PTBP2: variants seen among roughly 807,000 people sequenced by gnomAD.
PTBP2 encodes the protein polypyrimidine tract-binding protein 2.
A neutral mutation model predicts 61.4 loss-of-function variants in PTBP2; 13 were observed. The ratio of observed to expected loss-of-function variants is 0.21; its 90% CI spans 0.14 to 0.34. The LOEUF (loss-of-function observed/expected upper bound fraction) is 0.34. Ranked by LOEUF, PTBP2 falls within the 10% of genes least tolerant of loss-of-function variation. The probability of loss-of-function intolerance (pLI) is 1.00; values close to 1 mark genes in which losing one functional copy is unlikely to be tolerated. For synonymous variants in PTBP2, 215 were observed against 218.5 expected, an observed-to-expected ratio of 0.98 and a Z score of 0.14; for missense variants, 405 against 642.6, an observed-to-expected ratio of 0.63 and a Z score of 4.00.
At position 96,814,658 on chromosome 1, in the gene PTBP2, A is replaced by G. The variant is rs1037893527; in HGVS notation, c.*1253A>G. On this transcript the variant is annotated 3_prime_UTR_variant, in exon 14 of 14. Transcript: ENST00000674951. The stretch of plus-strand genomic sequence containing the variant: ...TTTGAAATTGATGTACTTAGTTTCA[A>G]GATTCATAGATTCTGTTATCTATGT... 6.6e-6 allele frequency: 1 copy of G among 152,558 alleles called. No homozygotes were observed. Among genetic ancestry groups the G allele is most frequent in the African/African-American group, 2.4e-5 (1 of 41,454 alleles). 9.5% of individuals were successfully genotyped at this position (152,558 alleles called of 1,614,324 possible).
intron 11 of PTBP2, among the ~76,000 whole-genome samples, chr1:96,807,678 C>T (rs939522175): frequency 6.6e-6 from 1 of 152,062 alleles, no homozygotes; most frequent in African/African-American, 2.4e-5. Flanking sequence ...GATGTAAGGA[C>T]GAGTGTATTT....
At chr1:96,721,946 G>T (rs1040285303) in intron 1 of PTBP2, 74 bp downstream of exon 1, 9 of 1,540,852 alleles carry the variant, frequency 5.8e-6, no homozygotes, top group Non-Finnish European at 7.9e-6. Flanking sequence ...TCCCGGGCCG[G>T]GGAGAAACCC....
At chr1:96,816,718 A>G (rs773902951), downstream of PTBP2, 3 of 152,158 alleles carry the variant, frequency 2.0e-5, no homozygotes, top group Admixed American at 1.3e-4. Context: ...TATTTGTATC[A>G]CCATATAATT....
At chr1:96,787,925 A>G (rs1659385000) in intron 8 of PTBP2, among the ~76,000 whole-genome samples, 1 of 152,160 alleles carries the variant, frequency 6.6e-6, no homozygotes, top group Admixed American at 6.5e-5. Context: ...TCCTAGAATT[A>G]GAATTATTGG....
chr1:96,763,685 A>T (rs1258638010), intron 3 of PTBP2, among the ~76,000 whole-genome samples: 1 of 151,950 alleles, frequency 6.6e-6, no homozygotes, highest in Non-Finnish European at 1.5e-5. Flanking sequence ...GTACTTCATG[A>T]CCAAGGAATC....
downstream of PTBP2, chr1:96,815,637 C>T (rs1214061393): frequency 6.6e-6 from 1 of 152,032 alleles, no homozygotes; most frequent in Non-Finnish European, 1.5e-5. Flanking sequence ...GCAAAACTTA[C>T]ACATAGGATA....
intron 7 of PTBP2, among the ~76,000 whole-genome samples, chr1:96,778,702 C>A (rs189638624): frequency 6.6e-6 from 1 of 152,012 alleles, no homozygotes; most frequent in Non-Finnish European, 1.5e-5. Context: ...AATAAGCTTA[C>A]ATTTATCTTA....
chr1:96,768,693 T>C (rs1657030669), intron 3 of PTBP2, among the ~76,000 whole-genome samples: 1 of 152,022 alleles, frequency 6.6e-6, no homozygotes, highest in Admixed American at 6.6e-5. Flanking sequence ...AGTTAACTAA[T>C]TTGTTGATTG....
At chr1:96,820,555 A>G (rs1014238588) in exon 14 of PTBP2, 1 of 152,130 alleles carries the variant, frequency 6.6e-6, no homozygotes, top group Non-Finnish European at 1.5e-5. Flanking sequence ...GACATCTATT[A>G]GCATTCTCAG....
chr1:96,782,398 ATTCT>A (rs1215979411), intron 7 of PTBP2, among the ~76,000 whole-genome samples: 1 of 152,006 alleles, frequency 6.6e-6, no homozygotes, highest in African/African-American at 2.4e-5. Context: ...CTTTATGCAG[ATTCT>A]TTGAGAGACC....
intron 3 of PTBP2, among the ~76,000 whole-genome samples, chr1:96,753,104 A>G: frequency 6.6e-6 from 1 of 152,162 alleles, no homozygotes; most frequent in South Asian, 2.1e-4. Context: ...GGCAGAATTT[A>G]GTATGGTCAT....
At chr1:96,743,661 A>C (rs968590355) in intron 2 of PTBP2, among the ~76,000 whole-genome samples, 7 of 152,134 alleles carry the variant, frequency 4.6e-5, no homozygotes, top group Non-Finnish European at 8.8e-5. Flanking sequence ...TTGACTTCTT[A>C]AGTTTTCTGA....
Position 96,783,447 on chromosome 1 carries a change from A to C in PTBP2, c.709-1612A>C, listed in dbSNP as rs546585076. Among the ~76,000 whole-genome samples the C allele has an allele frequency of 3.3e-5, 5 of 152,178 alleles. No individual in the cohort carries two copies. In the East Asian group the frequency reaches 9.7e-4, roughly 29 times the overall value. On this transcript the variant is annotated intron_variant, in intron 7 of 13. Coordinates refer to ENST00000674951, the MANE Select transcript of PTBP2 (RefSeq NM_021190.4). ...TCTAACAATTGGCATATTCATTGTT[A>C]GATAATTTGGCAGTCGGACCTCAGT...
intron 3 of PTBP2, among the ~76,000 whole-genome samples, chr1:96,761,264 G>T (rs181129740): frequency 5.4e-4 from 82 of 151,782 alleles, no homozygotes; most frequent in African/African-American, 1.9e-3. Flanking sequence ...ATTTCCAGTA[G>T]TTGTGTCTTG....
chr1:96,771,497 C>T (rs142896667), intron 5 of PTBP2: 39 of 151,996 alleles, frequency 2.6e-4, no homozygotes, highest in African/African-American at 8.9e-4. Flanking sequence ...AACTGTTCCT[C>T]ATAGATTTTT....
At position 96,757,412 on chromosome 1, in the gene PTBP2, T is replaced by A. The variant is rs181521438; in HGVS notation, c.115+5912T>A. On this transcript the variant is annotated intron_variant, in intron 3 of 13. Transcript: ENST00000674951. ...AGTTTATCAGAAAACATTTCTTAAT[T>A]TGTATGCCAATAATAACAAATCAAA... Among the ~76,000 whole-genome samples the A allele has an allele frequency of 1.1e-4, 16 of 152,314 alleles. No homozygotes were observed. The East Asian group carries it at 1.5e-3, about 15-fold the overall frequency.
At chr1:96,760,911 A>G (rs1271749118) in intron 3 of PTBP2, among the ~76,000 whole-genome samples, 2 of 152,250 alleles carry the variant, frequency 1.3e-5, no homozygotes, top group East Asian at 3.8e-4. Context: ...ATGTTTATCA[A>G]CAGGAAAATG....
rs1319850718 is a variant in PTBP2 at position 96,814,536 on chromosome 1, A to T, written c.*1131A>T. On this transcript the variant is annotated 3_prime_UTR_variant, in exon 14 of 14. Coordinates refer to ENST00000674951, the MANE Select transcript of PTBP2 (RefSeq NM_021190.4). Reference sequence around the variant, plus strand: ...TATTTTGTATTTAGGAATAGATCTGACTTTAATAAAAACATGGCTCAGAAT... The same window carrying T: ...TATTTTGTATTTAGGAATAGATCTGTCTTTAATAAAAACATGGCTCAGAAT... The T allele has an allele frequency of 6.6e-6, 1 of 152,530 alleles. No homozygotes were observed. Among genetic ancestry groups the T allele is most frequent in the Non-Finnish European group, 1.5e-5 (1 of 67,972 alleles). The allele number at this position is 152,530 out of a possible 1,614,324, so 9.4% of individuals were successfully genotyped here. A position where few individuals can be genotyped will look rare whatever the true frequency, so the allele number is the denominator to read the frequency against.
At chr1:96,735,157 A>G (rs1307782278) in intron 2 of PTBP2, among the ~76,000 whole-genome samples, 1 of 152,070 alleles carries the variant, frequency 6.6e-6, no homozygotes, top group Non-Finnish European at 1.5e-5. Context: ...ACCTCAAGTG[A>G]TCTGCCCACC....
Sources: allele counts gnomAD v4.1 joint callset (sites outside exome capture counted in the v4.1 genomes callset), GRCh38; gene constraint gnomAD v4.1.1; transcripts MANE v1.5; gene names NCBI Gene and HGNC (gene_info 2026-07-23, HGNC 2026-07-21).